The following NOTCH2NLA variants were observed in gnomAD, a reference collection of about 807,000 sequenced individuals.
NOTCH2NLA encodes the protein notch 2 N-terminal like A.
At chr1:146,194,897 G>A (rs1254974372) in intron 1 of NOTCH2NLA, among the ~76,000 whole-genome samples, 1 of 112,916 alleles carries the variant, frequency 8.9e-6, no homozygotes, top group Non-Finnish European at 1.8e-5. Context: ...ATTGAACTCA[G>A]TTCCATTCCT....
At chr1:146,219,515 G>A (rs1421265455) in intron 1 of NOTCH2NLA, among the ~76,000 whole-genome samples, 1 of 100,748 alleles carries the variant, frequency 9.9e-6, no homozygotes, top group South Asian at 2.8e-4. Context: ...TAAGACAAAA[G>A]ACTAACACCC....
At chr1:146,158,145 G>T (rs1162563585) in intron 3 of NOTCH2NLA, among the ~76,000 whole-genome samples, 2 of 151,986 alleles carry the variant, frequency 1.3e-5, no homozygotes, top group Non-Finnish European at 2.9e-5. Flanking sequence ...AAACTACAGA[G>T]ATAAGAACTC....
rs1571265912 is a variant in NOTCH2NLA at position 146,159,433 on chromosome 1, A to AAGGG, written c.299-2619_299-2618insCCCT. ...AAAGAAAGAAAGAAAGAAAGAAAGAAAGAAAGAAAGAAAGAGAAAGAAAGA... is the reference window on the plus strand; with the variant it reads ...AAAGAAAGAAAGAAAGAAAGAAAGAAAGGGAGAAAGAAAGAAAGAGAAAGAAAGA... On this transcript the variant is annotated intron_variant, in intron 3 of 4. Transcript: ENST00000362074. 2.7e-5 allele frequency among the ~76,000 whole-genome samples: 4 copies of AAGGG among 149,666 alleles called. No homozygotes were observed. The East Asian group carries it at 7.9e-4, about 29-fold the overall frequency.
chr1:146,228,508 C>T (rs1664322285), intron 1 of NOTCH2NLA: 3 of 918,508 alleles, frequency 3.3e-6, no homozygotes, highest in Admixed American at 1.3e-4. Flanking sequence ...CGGCGGTTGG[C>T]GGGGAACCCC....
chr1:146,154,002 GCCATAC>G (rs1182641322), downstream of NOTCH2NLA: 1 of 84,312 alleles, frequency 1.2e-5, no homozygotes, highest in Non-Finnish European at 2.3e-5. Context: ...TCTGCACAAC[GCCATAC>G]ACACACACAC....
rs74543040 is a variant in NOTCH2NLA at position 146,207,815 on chromosome 1, CT to C, written c.-44-18435del. The stretch of plus-strand genomic sequence containing the variant: ...AATTAGACAGGCCCAATACCACTTT[CT>C]TTTTTTTTTTTTTTTTTTTTTTGGA... On this transcript the variant is annotated intron_variant, in intron 1 of 4. Transcript: ENST00000362074. Among the ~76,000 whole-genome samples the C allele has an allele frequency of 7.1e-3, 514 of 72,238 alleles. 2 individuals carry two copies. Among genetic ancestry groups the C allele is most frequent in the Middle Eastern group, 0.015 (2 of 134 alleles). 47.4% of individuals were successfully genotyped at this position (72,238 alleles called of 152,430 possible).
At chr1:146,158,163 T>G (rs1489885790) in intron 3 of NOTCH2NLA, among the ~76,000 whole-genome samples, 1 of 151,532 alleles carries the variant, frequency 6.6e-6, no homozygotes, top group Non-Finnish European at 1.5e-5. Context: ...CTCCTTGAAT[T>G]TTTATTATTA....
chr1:146,158,103 T>C (rs1385474001), intron 3 of NOTCH2NLA, among the ~76,000 whole-genome samples: 2 of 151,662 alleles, frequency 1.3e-5, no homozygotes, highest in Non-Finnish European at 2.9e-5. Flanking sequence ...GGCTGGCTTT[T>C]TGTTGTCATT....
At chr1:146,219,714 A>AT (rs1553817759) in intron 1 of NOTCH2NLA, among the ~76,000 whole-genome samples, 1 of 93,388 alleles carries the variant, frequency 1.1e-5, no homozygotes, top group East Asian at 2.5e-4. Context: ...AATGGTAAAG[A>AT]TTTTTAAAAA....
Position 146,171,384 on chromosome 1 carries a change from T to A in NOTCH2NLA, c.39-6374A>T, listed in dbSNP as rs1661971789. Reference sequence around the variant, plus strand: ...AGTTGGAGGTTGCAGTGAGCCAAGATCGCGCCACTGCACTCCAGCCTGGGC... The same window carrying A: ...AGTTGGAGGTTGCAGTGAGCCAAGAACGCGCCACTGCACTCCAGCCTGGGC... On this transcript the variant is annotated intron_variant, in intron 2 of 4. Transcript: ENST00000362074. 1.4e-5 allele frequency among the ~76,000 whole-genome samples: 2 copies of A among 140,468 alleles called. 1 individual carries two copies. Among genetic ancestry groups the A allele is most frequent in the African/African-American group, 4.9e-5 (2 of 40,564 alleles). 92.2% of individuals were successfully genotyped at this position (140,468 alleles called of 152,430 possible).
At chr1:146,150,189 T>A (rs1553801004) in intron 4 of NOTCH2NLA, among the ~76,000 whole-genome samples, 1 of 149,894 alleles carries the variant, frequency 6.7e-6, no homozygotes, top group Non-Finnish European at 1.5e-5. Context: ...CTTTACCCAA[T>A]TGCAGTCCAT....
chr1:146,180,564 T>C (rs1160740273), intron 2 of NOTCH2NLA, among the ~76,000 whole-genome samples: 3 of 143,176 alleles, frequency 2.1e-5, no homozygotes, highest in Non-Finnish European at 4.8e-5. Flanking sequence ...AAATAGGATC[T>C]AGAAAATGTG....
At chr1:146,176,561 C>T (rs1296109354) in intron 2 of NOTCH2NLA, among the ~76,000 whole-genome samples, 2 of 134,538 alleles carry the variant, frequency 1.5e-5, no homozygotes, top group East Asian at 3.9e-4. Flanking sequence ...AAACAACACA[C>T]TGAGAAATTG....
At chr1:146,186,511 C>G (rs371143254) in intron 2 of NOTCH2NLA, among the ~76,000 whole-genome samples, 2 of 143,436 alleles carry the variant, frequency 1.4e-5, no homozygotes, top group African/African-American at 5.0e-5. Context: ...CGTGCCACCA[C>G]GCCCAGCTAA....
chr1:146,174,529 T>G (rs1662164458), intron 2 of NOTCH2NLA, among the ~76,000 whole-genome samples: 1 of 147,844 alleles, frequency 6.8e-6, no homozygotes, highest in Non-Finnish European at 1.5e-5. Context: ...AACAGCTATT[T>G]CAAAGTCATG....
chr1:146,179,332 T>TA (rs1247522994), intron 2 of NOTCH2NLA, among the ~76,000 whole-genome samples: 31 of 117,416 alleles, frequency 2.6e-4, no homozygotes, highest in South Asian at 2.1e-3. Flanking sequence ...GCCAAAAAGG[T>TA]CTGAGGGAAG....
downstream of NOTCH2NLA, chr1:146,154,006 T>TATACACACAC (rs1331429274): frequency 4.4e-5 from 4 of 91,368 alleles, no homozygotes; most frequent in African/African-American, 1.8e-4. Context: ...CACAACGCCA[T>TATACACACAC]ACACACACAC....
At chr1:146,159,440 A>G in intron 3 of NOTCH2NLA, among the ~76,000 whole-genome samples, 1 of 149,982 alleles carries the variant, frequency 6.7e-6, no homozygotes, top group Non-Finnish European at 1.5e-5. Context: ...AGAAAGAAAG[A>G]AAGAAAGAGA....
At chr1:146,219,468 AT>A (rs1664005229) in intron 1 of NOTCH2NLA, among the ~76,000 whole-genome samples, 1 of 116,792 alleles carries the variant, frequency 8.6e-6, no homozygotes, top group Non-Finnish European at 1.7e-5. Context: ...GTTATGTTAT[AT>A]ACTGCTAATT....
Sources: gnomAD v4.1 joint callset for allele counts (sites outside exome capture counted in the v4.1 genomes callset) on GRCh38, gnomAD v4.1.1 for gene constraint, MANE v1.5 for transcripts, NCBI Gene and HGNC (gene_info 2026-07-23, HGNC 2026-07-21) for gene names.